The following AP2B1 variants were observed in gnomAD, a reference collection of about 807,000 sequenced individuals.
AP2B1 encodes the protein adaptor related protein complex 2 subunit beta 1, also known as AP-2 complex subunit beta.
A neutral mutation model predicts 102.0 loss-of-function variants in AP2B1; 23 were observed. The ratio of observed to expected loss-of-function variants is 0.23; its 90% CI spans 0.16 to 0.32. AP2B1 has a LOEUF of 0.32. Among genes scored for constraint, AP2B1 ranks in the 10% least tolerant of loss-of-function variants. The pLI is 1.00. For synonymous variants in AP2B1, 381 were observed against 421.2 expected (o/e 0.90, Z 1.17); for missense variants, 541 against 1,157.4 (o/e 0.47, Z 7.73).
At chr17:35,608,625 G>T (rs1222807219) in intron 5 of AP2B1, among the ~76,000 whole-genome samples, 1 of 152,088 alleles carries the variant, frequency 6.6e-6, no homozygotes, top group African/African-American at 2.4e-5. Flanking sequence ...GCTCATATTT[G>T]CCCATATTGC....
chr17:35,720,461 G>A (rs1328659656), intron 21 of AP2B1, among the ~76,000 whole-genome samples: 2 of 143,982 alleles, frequency 1.4e-5, no homozygotes, highest in Non-Finnish European at 3.0e-5. Context: ...TGGAATAAAT[G>A]CAAATAAAAG....
chr17:35,660,484 T>C (rs1414558129), intron 14 of AP2B1, among the ~76,000 whole-genome samples: 15 of 147,904 alleles, frequency 1.0e-4, no homozygotes, highest in African/African-American at 3.5e-4. Context: ...TCTCTCTCTT[T>C]TTTTTTTTTT....
chr17:35,644,268 A>G (rs574532103), intron 12 of AP2B1, among the ~76,000 whole-genome samples: 12 of 152,190 alleles, frequency 7.9e-5, no homozygotes, highest in Admixed American at 1.3e-4. Context: ...GAGAATACCT[A>G]TTCCCTGCCT....
At chr17:35,694,773 C>T (rs2076108879) in intron 18 of AP2B1, among the ~76,000 whole-genome samples, 1 of 152,154 alleles carries the variant, frequency 6.6e-6, no homozygotes, top group South Asian at 2.1e-4. Context: ...ATTCCAGCTA[C>T]TCAGGAGGCT....
intron 18 of AP2B1, among the ~76,000 whole-genome samples, chr17:35,687,844 C>T (rs1429691651): frequency 1.3e-5 from 2 of 152,200 alleles, no homozygotes; most frequent in Non-Finnish European, 2.9e-5. Flanking sequence ...AGCCTCCACA[C>T]CCTGCCCAGT....
intron 12 of AP2B1, among the ~76,000 whole-genome samples, chr17:35,642,388 A>G (rs10491115): frequency 0.056 from 8,550 of 152,254 alleles, 393 homozygotes; most frequent in East Asian, 0.14. Context: ...TTTCTCACAG[A>G]AATTAAGTGT....
At chr17:35,640,021 A>C (rs2074723253) in intron 11 of AP2B1, among the ~76,000 whole-genome samples, 1 of 151,860 alleles carries the variant, frequency 6.6e-6, no homozygotes, top group Non-Finnish European at 1.5e-5. Context: ...GGTTCAAGCG[A>C]TTCTCCTGCT....
At position 35,709,284 on chromosome 17, in the gene AP2B1, C is replaced by T. The variant is rs782084650; in HGVS notation, c.2515C>T (p.Leu839Phe). The T allele has an allele frequency of 2.5e-6, 4 of 1,614,092 alleles. No individual in the cohort carries two copies. In the South Asian group the frequency reaches 4.4e-5, roughly 18 times the overall value. ...CAGCTGCCTCATCCCACTCAATGTGCTTTTTGTAGAAGATGGCAAAATGGG... is the reference window on the plus strand; with the variant it reads ...CAGCTGCCTCATCCCACTCAATGTGTTTTTTGTAGAAGATGGCAAAATGGG... Reference protein sequence around the residue: ...YFSCLIPLNVLFVEDGKMERQ... With the variant: ...YFSCLIPLNVFFVEDGKMERQ... Residue 839 changes from leucine to phenylalanine, a missense_variant, in exon 19 of 22, where the codon CTT (leucine) becomes TTT (phenylalanine). This residue lies in a region of AP2B1 where 117 missense variants were observed against 206.7 expected (regional missense o/e 0.57). Coordinates refer to ENST00000610402, the MANE Select transcript of AP2B1 (RefSeq NM_001030006.2).
At chr17:35,643,162 C>CA (rs1460405113) in intron 12 of AP2B1, among the ~76,000 whole-genome samples, 1 of 150,876 alleles carries the variant, frequency 6.6e-6, no homozygotes, top group Non-Finnish European at 1.5e-5. Context: ...AAAATACACT[C>CA]ACAATAGCTG....
Position 35,650,527 on chromosome 17 carries a change from T to C in AP2B1, c.1537-3T>C. 1 of 1,613,048 alleles carries C rather than the reference T, an allele frequency of 6.2e-7. No homozygotes were observed. Among genetic ancestry groups the C allele is most frequent in the South Asian group, 1.1e-5 (1 of 90,972 alleles). ...CACCTCCTTGCCTTTGCCTTTTCTT[T>C]AGGATTCTGATAATCCTGACCTTCG... On this transcript the variant is annotated splice_polypyrimidine_tract_variant and splice_region_variant and intron_variant, in intron 12 of 21. Coordinates refer to ENST00000610402, the MANE Select transcript of AP2B1 (RefSeq NM_001030006.2).
At chr17:35,715,875 A>G (rs2076541209) in intron 20 of AP2B1, among the ~76,000 whole-genome samples, 1 of 152,208 alleles carries the variant, frequency 6.6e-6, no homozygotes. Context: ...TGTCTCATGA[A>G]AGGAGTCTTA....
chr17:35,684,776 C>T (rs2075896124), intron 18 of AP2B1, among the ~76,000 whole-genome samples: 1 of 152,122 alleles, frequency 6.6e-6, no homozygotes, highest in South Asian at 2.1e-4. Context: ...CACAGAGCCT[C>T]AAGCCTAATA....
Position 35,626,680 on chromosome 17 carries a change from C to T in AP2B1, c.776C>T (p.Ala259Val), listed in dbSNP as rs1271504512. ...SHANSAVVLS[A>V]VKVLMKFLEL... ...GCCAACTCAGCAGTGGTGCTTTCAG[C>T]GGTAAAAGTCCTAATGAAGTTTCTA... The change falls in exon 7 of 22, where the codon GCG becomes GTG. Residue 259 changes from alanine to valine, a missense_variant. By Grantham distance (64) the Ala-to-Val change is moderately conservative (BLOSUM62 0). Around this residue, in one of 10 missense-constraint regions of AP2B1, gnomAD observed 134 missense variants for 250.2 expected, o/e 0.54. Coordinates refer to ENST00000610402, the MANE Select transcript of AP2B1 (RefSeq NM_001030006.2). 4 of 1,613,594 alleles carry T rather than the reference C, an allele frequency of 2.5e-6. No individual in the cohort carries two copies. The highest frequency in any genetic ancestry group is 8.5e-7 in the Non-Finnish European group (1 of 1,179,888).
At chr17:35,693,070 T>A (rs946203767) in intron 18 of AP2B1, among the ~76,000 whole-genome samples, 2 of 152,032 alleles carry the variant, frequency 1.3e-5, no homozygotes, top group African/African-American at 4.8e-5. Context: ...CAGGCTGGAG[T>A]ACAATGGTGT....
In AP2B1 at chr17:35,671,872, C is replaced by T. The variant is rs1236976524; in HGVS notation, c.2150C>T (p.Ala717Val). 3 of 1,614,094 alleles carry T rather than the reference C, an allele frequency of 1.9e-6. No homozygotes were observed. In the Middle Eastern group the frequency reaches 4.9e-4, roughly 266 times the overall value. The change falls in exon 16 of 22, where the codon GCA becomes GTA. Residue 717 changes from alanine (A) to valine (V), a missense_variant. Physicochemically the swap from Ala to Val is moderately conservative, Grantham distance 64. This residue lies in a region of AP2B1 where 62 missense variants were observed against 87.6 expected (regional missense o/e 0.71). Coordinates refer to ENST00000610402, the MANE Select transcript of AP2B1 (RefSeq NM_001030006.2). The part of the protein sequence containing the change: ...LFELSTGIGM[A>V]PGGYVAPKAV... The stretch of plus-strand genomic sequence containing the variant: ...GAACTCTCCACAGGGATAGGCATGG[C>T]ACCTGGTGGATATGTGGCTCCTAAG...
At chr17:35,680,266 A>G (rs932575823) in intron 17 of AP2B1, among the ~76,000 whole-genome samples, 4 of 152,186 alleles carry the variant, frequency 2.6e-5, no homozygotes, top group South Asian at 2.1e-4. Flanking sequence ...TCATGTGGCT[A>G]TTTAGAATAT....
At chr17:35,678,184 T>C (rs998397379) in intron 17 of AP2B1, among the ~76,000 whole-genome samples, 1 of 152,150 alleles carries the variant, frequency 6.6e-6, no homozygotes, top group Non-Finnish European at 1.5e-5. Flanking sequence ...TTAATTTTAA[T>C]TTTTTATTAT....
At chr17:35,657,511 A>G in intron 13 of AP2B1, 88 bp from the exon 14 acceptor site, 2 of 1,018,084 alleles carry the variant, frequency 2.0e-6, no homozygotes, top group Non-Finnish European at 2.9e-6. Context: ...AGTTATATAT[A>G]GCTATATGTT....
chr17:35,666,384 C>A (rs2075465479), intron 14 of AP2B1, among the ~76,000 whole-genome samples: 1 of 152,104 alleles, frequency 6.6e-6, no homozygotes, highest in South Asian at 2.1e-4. Flanking sequence ...ATTCTCAGTG[C>A]CATTTAATGA....
Sources: allele counts gnomAD v4.1 joint callset (sites outside exome capture counted in the v4.1 genomes callset), GRCh38; gene constraint gnomAD v4.1.1; regional missense constraint gnomAD v4.1.1; transcripts MANE v1.5; gene names NCBI Gene and HGNC (gene_info 2026-07-23, HGNC 2026-07-21).